UBA2: variants seen among roughly 807,000 people sequenced by gnomAD.
UBA2 encodes the protein SUMO-activating enzyme subunit 2.
In UBA2, 11 loss-of-function variants were observed where a neutral mutation model predicts 77.2. The ratio of observed to expected loss-of-function variants is 0.14; its 90% confidence interval spans 0.09 to 0.24. The LOEUF (loss-of-function observed/expected upper bound fraction) is 0.24, where lower values mean the gene tolerates loss of function less well. UBA2 is among the 10% of genes least tolerant of loss of function. The probability of loss-of-function intolerance (pLI) is 1.00; values close to 1 mark genes in which losing one functional copy is unlikely to be tolerated. For missense variants in UBA2, 487 were observed against 781.7 expected (o/e 0.62, Z 4.50); for synonymous variants, 278 against 276.7 (o/e 1.00, Z -0.05).
intron 7 of UBA2, 94 bp from the exon 8 acceptor site, chr19:34,444,906 C>A: frequency 7.5e-7 from 1 of 1,341,108 alleles, no homozygotes; most frequent in East Asian, 2.4e-5. Context: ...TGGGGATTTC[C>A]ATGAGTGACT....
chr19:34,468,317 T>C lies in UBA2; in HGVS notation c.1742-723T>C, dbSNP rs565933214. On this transcript the variant is annotated intron_variant, in intron 16 of 16. Coordinates refer to ENST00000246548, the MANE Select transcript of UBA2 (RefSeq NM_005499.3). ...GGGTCATTGGTTCATAACCTGTTTT[T>C]TCCCCCCTCACTGAAATTAGAAAGG... 2.0e-5 allele frequency among the ~76,000 whole-genome samples: 3 copies of C among 152,308 alleles called. No homozygotes were observed. The East Asian group carries it at 5.8e-4, about 29-fold the overall frequency.
intron 1 of UBA2, among the ~76,000 whole-genome samples, chr19:34,429,583 A>G (rs2075228456): frequency 6.6e-6 from 1 of 152,228 alleles, no homozygotes; most frequent in Non-Finnish European, 1.5e-5. Context: ...GGCTTGAATT[A>G]AGGGAGGCAG....
chr19:34,459,110 C>T (rs2075604017), intron 13 of UBA2, among the ~76,000 whole-genome samples, 186 bp downstream of exon 13: 1 of 152,178 alleles, frequency 6.6e-6, no homozygotes, highest in Non-Finnish European at 1.5e-5. Context: ...AAGTGCCTCA[C>T]ATTCCCAGAA....
intron 4 of UBA2, among the ~76,000 whole-genome samples, chr19:34,433,627 C>T (rs903805393): frequency 7.2e-5 from 11 of 152,012 alleles, no homozygotes; most frequent in Non-Finnish European, 1.6e-4. Context: ...GCATTTCTAC[C>T]AAAAGGTATA....
chr19:34,462,330 G>A (rs777790811), intron 14 of UBA2, among the ~76,000 whole-genome samples: 8 of 152,176 alleles, frequency 5.3e-5, no homozygotes, highest in Admixed American at 1.3e-4. Context: ...TGTTAGCAGC[G>A]TTGTTAGGCG....
chr19:34,468,582 C>G (rs976266531), intron 16 of UBA2, among the ~76,000 whole-genome samples: 1 of 152,160 alleles, frequency 6.6e-6, no homozygotes, highest in East Asian at 1.9e-4. Flanking sequence ...GGAAGTCATT[C>G]ACTGAGTTTC....
chr19:34,465,520 C>T (rs1318907851), intron 15 of UBA2, among the ~76,000 whole-genome samples: 1 of 151,780 alleles, frequency 6.6e-6, no homozygotes, highest in Non-Finnish European at 1.5e-5. Flanking sequence ...GCCTGCAGTC[C>T]CAGCTACTCA....
chr19:34,439,279 T>C (rs1162978025), intron 6 of UBA2, among the ~76,000 whole-genome samples: 1 of 151,602 alleles, frequency 6.6e-6, no homozygotes, highest in Admixed American at 6.6e-5. Context: ...GCCATGTAAC[T>C]AAGCGATAAA....
At chr19:34,446,002 G>A (rs935967041) in intron 8 of UBA2, among the ~76,000 whole-genome samples, 4 of 152,026 alleles carry the variant, frequency 2.6e-5, no homozygotes, top group Admixed American at 2.6e-4. Context: ...CAAGTTGTAC[G>A]TGTGTGGGGT....
intron 5 of UBA2, 99 bp from the exon 6 acceptor site, chr19:34,438,546 A>G (rs1044369066): frequency 1.1e-5 from 16 of 1,428,722 alleles, no homozygotes; most frequent in Non-Finnish European, 1.5e-5. Flanking sequence ...ACAACGTAAA[A>G]CGTAGTTGGA....
chr19:34,455,197 T>C (rs1370204852), intron 12 of UBA2, among the ~76,000 whole-genome samples: 1 of 152,340 alleles, frequency 6.6e-6, no homozygotes, highest in African/African-American at 2.4e-5. Context: ...TCAATACCTA[T>C]GTATTCAGAC....
intron 12 of UBA2, among the ~76,000 whole-genome samples, chr19:34,455,535 G>A (rs2075549003): frequency 6.6e-6 from 1 of 152,024 alleles, no homozygotes; most frequent in African/African-American, 2.4e-5. Context: ...CTGTTGTTTA[G>A]GTTCTCCTTT....
intron 14 of UBA2, among the ~76,000 whole-genome samples, chr19:34,463,297 G>A (rs763205545): frequency 1.3e-5 from 2 of 152,144 alleles, no homozygotes; most frequent in Non-Finnish European, 2.9e-5. Context: ...TCCCCCTGAA[G>A]TAGTTTCGGT....
intron 4 of UBA2, among the ~76,000 whole-genome samples, chr19:34,434,047 T>G (rs1449723898): frequency 1.3e-5 from 2 of 151,898 alleles, no homozygotes; most frequent in African/African-American, 2.4e-5. Flanking sequence ...TAAAAGTATA[T>G]CTACTAAGTG....
At chr19:34,429,116 A>G (rs2075221922) in intron 1 of UBA2, 1 of 982,402 alleles carries the variant, frequency 1.0e-6, no homozygotes, top group Non-Finnish European at 1.2e-6. Flanking sequence ...TATTTTTAAC[A>G]GATGAGGAAA....
intron 6 of UBA2, among the ~76,000 whole-genome samples, chr19:34,439,370 T>C (rs2075343657): frequency 6.6e-6 from 1 of 152,220 alleles, no homozygotes; most frequent in African/African-American, 2.4e-5. Flanking sequence ...AAGTTAAAAA[T>C]ACTCTGTACT....
intron 9 of UBA2, among the ~76,000 whole-genome samples, chr19:34,450,935 T>G (rs1246221123): frequency 6.6e-6 from 1 of 152,024 alleles, no homozygotes; most frequent in Non-Finnish European, 1.5e-5. Flanking sequence ...CCCTTGTGAT[T>G]ATCTCTTTAA....
rs892549517 is a variant in UBA2 at position 34,453,598 on chromosome 19, A to G, written c.1039-662A>G. On this transcript the variant is annotated intron_variant, in intron 10 of 16. Transcript: ENST00000246548. Reference sequence around the variant, plus strand: ...GAGTGCAGTGGCATGATCTTGGCTTACTGCAGCCTCTGCGTCCCGGGTTCA... The same window carrying G: ...GAGTGCAGTGGCATGATCTTGGCTTGCTGCAGCCTCTGCGTCCCGGGTTCA... 2.9e-4 allele frequency among the ~76,000 whole-genome samples: 42 copies of G among 145,736 alleles called. 1 individual carries two copies. Among genetic ancestry groups the G allele is most frequent in the Admixed American group, 2.2e-3 (30 of 13,874 alleles).
intron 4 of UBA2, among the ~76,000 whole-genome samples, chr19:34,434,136 T>G (rs1300180002): frequency 6.6e-6 from 1 of 152,160 alleles, no homozygotes; most frequent in Non-Finnish European, 1.5e-5. Flanking sequence ...TTTTTAAGGC[T>G]TGGGGGGTCT....
Sources: allele counts gnomAD v4.1 joint callset (sites outside exome capture counted in the v4.1 genomes callset), GRCh38; gene constraint gnomAD v4.1.1; transcripts MANE v1.5; gene names NCBI Gene and HGNC (gene_info 2026-07-23, HGNC 2026-07-21).